LY96: variants seen among roughly 807,000 people sequenced by gnomAD.
LY96 encodes the protein lymphocyte antigen 96, also known as myeloid differentiation protein-2.
Under a neutral mutation model 18.9 loss-of-function variants are expected in LY96, and 18 were observed. The ratio of observed to expected loss-of-function variants is 0.95; its 90% CI spans 0.66 to 1.41. The LOEUF (loss-of-function observed/expected upper bound fraction) is 1.41, where lower values mean the gene tolerates loss of function less well. Ranked by LOEUF, LY96 falls within the 40% of genes most tolerant of loss-of-function variation. The probability of loss-of-function intolerance (pLI) is 0.00; values close to 1 mark genes in which losing one functional copy is unlikely to be tolerated. For synonymous variants in LY96, 66 were observed against 62.6 expected, an observed-to-expected ratio of 1.06 and a Z score of -0.26; for missense variants, 175 against 182.4, an observed-to-expected ratio of 0.96 and a Z score of 0.23.
the LY96 span, among the ~76,000 whole-genome samples, chr8:74,096,083 A>T: frequency 1.3e-5 from 2 of 152,062 alleles, no homozygotes; most frequent in African/African-American, 2.4e-5. Context: ...TCCACATCTA[A>T]CCTTTCAAAA....
intron 4 of LY96, among the ~76,000 whole-genome samples, chr8:74,028,198 A>G (rs1026325194): frequency 1.2e-4 from 18 of 152,216 alleles, no homozygotes; most frequent in Non-Finnish European, 2.2e-4. Context: ...TGGCCTCCCA[A>G]ACTGCTGGGA....
chr8:73,999,001 T>G (rs1399663549), intron 1 of LY96, among the ~76,000 whole-genome samples: 2 of 152,050 alleles, frequency 1.3e-5, no homozygotes, highest in Non-Finnish European at 2.9e-5. Flanking sequence ...GGCCAAGTCT[T>G]GCTCTGTTGC....
At chr8:74,056,414 T>C in the LY96 span, 1 of 236,436 alleles carries the variant, frequency 4.2e-6, no homozygotes, top group South Asian at 5.1e-5. Flanking sequence ...AGACAATCAA[T>C]AAATTGATTT....
At chr8:74,095,147 T>C in the LY96 span, among the ~76,000 whole-genome samples, 4 of 152,378 alleles carry the variant, frequency 2.6e-5, no homozygotes, top group East Asian at 5.8e-4. Flanking sequence ...ATCCCTTTCA[T>C]GTAATGAACT....
the LY96 span, among the ~76,000 whole-genome samples, chr8:74,070,347 T>A: frequency 0.081 from 12,370 of 152,196 alleles, 864 homozygotes; most frequent in African/African-American, 0.2. Flanking sequence ...CGCCTCGGCC[T>A]CCCGAAGTGC....
At chr8:74,048,211 T>C in the LY96 span, among the ~76,000 whole-genome samples, 1 of 152,356 alleles carries the variant, frequency 6.6e-6, no homozygotes, top group South Asian at 2.1e-4. Context: ...CACCATTATT[T>C]TAATACATTC....
the LY96 span, among the ~76,000 whole-genome samples, chr8:74,054,398 T>A: frequency 6.6e-6 from 1 of 152,164 alleles, no homozygotes; most frequent in Non-Finnish European, 1.5e-5. Flanking sequence ...CTAAGGAGGC[T>A]TATTATCTTA....
At chr8:74,090,840 C>T in the LY96 span, among the ~76,000 whole-genome samples, 12 of 152,294 alleles carry the variant, frequency 7.9e-5, no homozygotes, top group East Asian at 2.1e-3. Context: ...TTGAAAATGT[C>T]AATTCTCCCT....
the LY96 span, among the ~76,000 whole-genome samples, chr8:74,075,599 A>G: frequency 2.6e-5 from 4 of 152,236 alleles, no homozygotes; most frequent in Admixed American, 2.6e-4. Flanking sequence ...TGACACCAGC[A>G]ACTTAATGGA....
chr8:74,043,221 C>T, the LY96 span, among the ~76,000 whole-genome samples: 2 of 152,146 alleles, frequency 1.3e-5, no homozygotes, highest in Non-Finnish European at 2.9e-5. Context: ...AATAAGTCTA[C>T]AGGGCAATAC....
the LY96 span, among the ~76,000 whole-genome samples, chr8:74,036,542 C>T: frequency 2.0e-5 from 3 of 152,124 alleles, no homozygotes; most frequent in African/African-American, 7.2e-5. Flanking sequence ...TCCTGTGTCC[C>T]CACCCAGAGG....
chr8:74,033,710 A>T (rs1398339423), downstream of LY96, among the ~76,000 whole-genome samples: 5 of 152,212 alleles, frequency 3.3e-5, no homozygotes, highest in Non-Finnish European at 5.9e-5. Flanking sequence ...GAGTCAAGCA[A>T]ATCTTTTTCT....
chr8:74,009,937 T>C, intron 2 of LY96, 64 bp from the exon 3 acceptor site: 1 of 1,183,490 alleles, frequency 8.4e-7, no homozygotes, highest in Non-Finnish European at 1.3e-6. Flanking sequence ...ATACAATAAA[T>C]GTTAATTACT....
the LY96 span, among the ~76,000 whole-genome samples, chr8:74,063,424 C>T: frequency 2.0e-5 from 3 of 152,068 alleles, no homozygotes; most frequent in South Asian, 6.2e-4. Context: ...AAACAATCAC[C>T]TATATATTGA....
chr8:74,046,904 T>C, the LY96 span, among the ~76,000 whole-genome samples: 39 of 78,006 alleles, frequency 5.0e-4, no homozygotes, highest in African/African-American at 3.3e-3. Flanking sequence ...ATTCTCATTC[T>C]TTTTTTTTTT....
the LY96 span, among the ~76,000 whole-genome samples, chr8:74,081,490 C>G: frequency 2.0e-5 from 3 of 151,528 alleles, no homozygotes; most frequent in African/African-American, 7.3e-5. Flanking sequence ...AGCTCCTGGG[C>G]TCAAGCTATC....
chr8:74,079,887 G>A, the LY96 span, among the ~76,000 whole-genome samples: 1 of 151,376 alleles, frequency 6.6e-6, no homozygotes, highest in Admixed American at 6.6e-5. Flanking sequence ...CTTAAAAAAT[G>A]TGTGTGTGTG....
At chr8:74,007,372 C>T (rs1423018693) in intron 2 of LY96, among the ~76,000 whole-genome samples, 2 of 152,130 alleles carry the variant, frequency 1.3e-5, no homozygotes, top group Admixed American at 6.5e-5. Flanking sequence ...CTAAATATGA[C>T]ATTTATATAA....
intron 3 of LY96, among the ~76,000 whole-genome samples, chr8:74,015,499 T>C (rs1342617998): frequency 6.6e-6 from 1 of 152,184 alleles, no homozygotes; most frequent in Non-Finnish European, 1.5e-5. Context: ...TGTTTGTCTA[T>C]CTCAGTGTCC....
Sources: gnomAD v4.1 joint callset for allele counts (sites outside exome capture counted in the v4.1 genomes callset) on GRCh38, gnomAD v4.1.1 for gene constraint, MANE v1.5 for transcripts, NCBI Gene and HGNC (gene_info 2026-07-23, HGNC 2026-07-21) for gene names.